LSM14A: variants seen among roughly 807,000 people sequenced by gnomAD.
The protein encoded by LSM14A is protein LSM14 homolog A.
Under a neutral mutation model 52.4 loss-of-function variants are expected in LSM14A, and 14 were observed. That is an observed-to-expected ratio of 0.27 (90% confidence interval 0.18 to 0.42). LSM14A has a LOEUF of 0.42. Ranked by LOEUF, LSM14A falls within the 10% of genes least tolerant of loss-of-function variation. LSM14A has a pLI of 1.00. For missense variants in LSM14A, 417 were observed against 581.8 expected, an observed-to-expected ratio of 0.72 and a Z score of 2.91; for synonymous variants, 185 against 200.3, an observed-to-expected ratio of 0.92 and a Z score of 0.64.
intron 3 of LSM14A, among the ~76,000 whole-genome samples, chr19:34,203,586 G>C (rs1384622019): frequency 1.3e-5 from 2 of 152,012 alleles, no homozygotes; most frequent in Admixed American, 6.6e-5. Flanking sequence ...AATCATTTGA[G>C]GTCAGGAGTT....
intron 8 of LSM14A, 61 bp from the exon 9 acceptor site, chr19:34,221,446 T>A: frequency 1.3e-6 from 2 of 1,538,180 alleles, no homozygotes; most frequent in Non-Finnish European, 1.8e-6. Flanking sequence ...GCACTGCATA[T>A]TTTGGCTGAG....
chr19:34,207,719 C>T (rs2071809186), intron 3 of LSM14A, among the ~76,000 whole-genome samples: 2 of 151,992 alleles, frequency 1.3e-5, no homozygotes, highest in African/African-American at 4.8e-5. Flanking sequence ...TTTGTAGAGA[C>T]GAGGTTTCAT....
chr19:34,200,905 T>G (rs2145705064), intron 3 of LSM14A, among the ~76,000 whole-genome samples: 1 of 152,306 alleles, frequency 6.6e-6, no homozygotes, highest in African/African-American at 2.4e-5. Flanking sequence ...TAACTGACTT[T>G]GAGATCATCA....
chr19:34,191,496 A>G (rs1295372639), intron 1 of LSM14A, among the ~76,000 whole-genome samples: 1 of 150,792 alleles, frequency 6.6e-6, no homozygotes, highest in African/African-American at 2.4e-5. Context: ...CTTTCCTTCC[A>G]TCATTGCCTC....
intron 3 of LSM14A, among the ~76,000 whole-genome samples, chr19:34,198,117 T>C (rs2071005788): frequency 6.6e-6 from 1 of 152,192 alleles, no homozygotes; most frequent in South Asian, 2.1e-4. Flanking sequence ...CTTTTAAAAT[T>C]TCATTGAAAT....
intron 1 of LSM14A, among the ~76,000 whole-genome samples, chr19:34,174,997 T>A (rs2068979958): frequency 6.6e-6 from 1 of 152,218 alleles, no homozygotes; most frequent in Non-Finnish European, 1.5e-5. Context: ...AAGTCTACAT[T>A]TTAACAACCC....
rs1029307758 is a variant in LSM14A at position 34,192,326 on chromosome 19, T to G, written c.122-2152T>G. On this transcript the variant is annotated intron_variant, in intron 1 of 9. Transcript: ENST00000544216. ...AATAACATTCTTTTTGTTGTTTTTT[T>G]TTTTTTTTTTTTTTTTGGAGTCAGA... Among the ~76,000 whole-genome samples the G allele has an allele frequency of 4.8e-5, 6 of 125,208 alleles. 1 individual carries two copies. The highest frequency in any genetic ancestry group is 1.4e-4 in the African/African-American group (5 of 34,888). The allele number at this position is 125,208 out of a possible 152,430, so 82.1% of individuals were successfully genotyped here.
chr19:34,221,431 G>A, intron 8 of LSM14A, 76 bp from the exon 9 acceptor site: 4 of 1,456,120 alleles, frequency 2.7e-6, no homozygotes, highest in Non-Finnish European at 9.3e-7. Flanking sequence ...CTTAATTTGG[G>A]AGTAGCACTG....
intron 1 of LSM14A, among the ~76,000 whole-genome samples, chr19:34,185,017 T>C (rs671521): frequency 0.49 from 75,087 of 152,018 alleles, 19,256 homozygotes; most frequent in Middle Eastern, 0.58. Flanking sequence ...TAATAAACCT[T>C]CTAAGGAGCC....
rs114743233 is a variant in LSM14A, at chr19:34,182,380, C to T, written c.121+9617C>T. ...TTCTAATATTCTGGGGTTGCTGATG[C>T]CAGTCTGACTCTCAGTCACTTTTCT... On this transcript the variant is annotated intron_variant, in intron 1 of 9. Transcript: ENST00000544216. Among the ~76,000 whole-genome samples, 542 of 152,180 alleles carry T rather than the reference C, an allele frequency of 3.6e-3. 5 individuals are homozygous for T. Among genetic ancestry groups the T allele is most frequent in the African/African-American group, 0.012 (514 of 41,520 alleles).
At chr19:34,175,754 G>A (rs956180403) in intron 1 of LSM14A, among the ~76,000 whole-genome samples, 1 of 152,182 alleles carries the variant, frequency 6.6e-6, no homozygotes, top group Non-Finnish European at 1.5e-5. Context: ...GACTTGTTGA[G>A]TAATTCGATA....
intron 1 of LSM14A, 151 bp from the exon 2 acceptor site, chr19:34,194,327 T>C (rs1328247799): frequency 1.4e-6 from 1 of 701,726 alleles, no homozygotes; most frequent in African/African-American, 1.8e-5. Flanking sequence ...TTTTCCTCTT[T>C]AAAAAAACTT....
chr19:34,201,192 G>A (rs2071259389), intron 3 of LSM14A, among the ~76,000 whole-genome samples: 1 of 152,152 alleles, frequency 6.6e-6, no homozygotes, highest in African/African-American at 2.4e-5. Context: ...TGCAGGGTCA[G>A]ATTATTTTTG....
chr19:34,215,737 A>G, intron 6 of LSM14A, 76 bp downstream of exon 6: 1 of 1,063,360 alleles, frequency 9.4e-7, no homozygotes, highest in Non-Finnish European at 1.4e-6. Context: ...ATACATAATT[A>G]CTATAAAAAA....
rs1439435859 is a variant in LSM14A, at chr19:34,228,703, G to A, written c.*1315G>A. The stretch of plus-strand genomic sequence containing the variant: ...TTTTATGAAGGCCATGGAATAAAAG[G>A]ATCCAAAGATTTAAATATTTTTATC... On this transcript the variant is annotated 3_prime_UTR_variant, in exon 10 of 10. Coordinates refer to ENST00000544216, the MANE Select transcript of LSM14A (RefSeq NM_015578.4). 6.6e-6 allele frequency: 1 copy of A among 152,628 alleles called. No homozygotes were observed. The highest frequency in any genetic ancestry group is 1.9e-4 in the East Asian group (1 of 5,198). 9.5% of individuals were successfully genotyped at this position (152,628 alleles called of 1,614,324 possible).
chr19:34,213,156 TA>T (rs1393170004), intron 4 of LSM14A, among the ~76,000 whole-genome samples: 1 of 146,586 alleles, frequency 6.8e-6, no homozygotes, highest in Non-Finnish European at 1.5e-5. Flanking sequence ...ATCCTGTCCC[TA>T]AAAAACAAAA....
intron 3 of LSM14A, 38 bp downstream of exon 3, chr19:34,196,801 T>A (rs773780997): frequency 6.4e-7 from 1 of 1,551,248 alleles, no homozygotes; most frequent in South Asian, 1.2e-5. Context: ...TGTTTTTGTA[T>A]TCTTCCTTTC....
At chr19:34,218,705 G>T (rs770270539) in intron 6 of LSM14A, among the ~76,000 whole-genome samples, 12 of 151,994 alleles carry the variant, frequency 7.9e-5, no homozygotes, top group Admixed American at 2.6e-4. Flanking sequence ...ATGCTGCTTT[G>T]TATTGCTTTA....
intron 6 of LSM14A, among the ~76,000 whole-genome samples, chr19:34,218,038 C>G (rs1209164843): frequency 7.2e-6 from 1 of 138,148 alleles, no homozygotes; most frequent in Non-Finnish European, 1.5e-5. Context: ...GAATCTCGCT[C>G]TGTCACCCAG....
Sources: gnomAD v4.1 joint callset for allele counts (sites outside exome capture counted in the v4.1 genomes callset) on GRCh38, gnomAD v4.1.1 for gene constraint, MANE v1.5 for transcripts, NCBI Gene and HGNC (gene_info 2026-07-23, HGNC 2026-07-21) for gene names.